ANGPTL2: variants seen among roughly 807,000 people sequenced by gnomAD.
ANGPTL2 encodes angiopoietin like 2.
Under a neutral mutation model 52.8 loss-of-function variants are expected in ANGPTL2, and 25 were observed. The ratio of observed to expected loss-of-function variants is 0.47; its 90% CI spans 0.35 to 0.66. ANGPTL2 has a LOEUF of 0.66. ANGPTL2 is among the 30% of genes least tolerant of loss of function. The pLI, the probability that ANGPTL2 is intolerant of heterozygous loss-of-function variation, is 0.01. For missense variants in ANGPTL2, 546 were observed against 656.9 expected (o/e 0.83, Z 1.84); for synonymous variants, 276 against 277.4 (o/e 1.00, Z 0.05).
At position 127,091,638 on chromosome 9, in the gene ANGPTL2, C is replaced by G. The variant is rs2789510; in HGVS notation, c.1282+32G>C. On this transcript the variant is annotated intron_variant, in intron 4 of 4. Transcript: ENST00000373425. This position sits in a 1 kb window ranked among gnomAD's most constrained non-coding sequence, Gnocchi z 4.3. ...GCTCTGGTTGACCTCTTTTCCCTACCCTGCACCTGGGTTTGACTCCACTTT... is the reference window on the plus strand; with the variant it reads ...GCTCTGGTTGACCTCTTTTCCCTACGCTGCACCTGGGTTTGACTCCACTTT... The G allele has an allele frequency of 0.027, 44,038 of 1,602,364 alleles. 719 individuals carry two copies. The highest frequency in any genetic ancestry group is 0.059 in the Middle Eastern group (290 of 4,876).
chr9:127,101,804 C>A (rs948658481), intron 2 of ANGPTL2, among the ~76,000 whole-genome samples: 1 of 152,152 alleles, frequency 6.6e-6, no homozygotes, highest in South Asian at 2.1e-4. Flanking sequence ...CATTTAGGAG[C>A]TGTTGCATTT....
chr9:127,104,800 T>C (rs2054059737), intron 2 of ANGPTL2, among the ~76,000 whole-genome samples: 1 of 152,230 alleles, frequency 6.6e-6, no homozygotes, highest in South Asian at 2.1e-4. Context: ...GTTTGGAAGC[T>C]GCCAAGGCTC....
intron 2 of ANGPTL2, among the ~76,000 whole-genome samples, chr9:127,097,855 C>G (rs2053306157): frequency 6.6e-6 from 1 of 152,198 alleles, no homozygotes; most frequent in African/African-American, 2.4e-5. Context: ...TCGATGGCCT[C>G]ACCTATGCAC....
intron 2 of ANGPTL2, among the ~76,000 whole-genome samples, chr9:127,100,025 A>G (rs2053563762): frequency 6.6e-6 from 1 of 152,246 alleles, no homozygotes; most frequent in African/African-American, 2.4e-5. Flanking sequence ...TTAAATTACT[A>G]CAAAGTGTGA....
chr9:127,112,081 C>T (rs549038841), intron 1 of ANGPTL2, among the ~76,000 whole-genome samples: 2 of 152,172 alleles, frequency 1.3e-5, no homozygotes, highest in Admixed American at 6.5e-5. Flanking sequence ...ACCCTGTGCT[C>T]CCTGGGGCCT....
chr9:127,106,829 G>C (rs1308971435), intron 2 of ANGPTL2: 1 of 152,162 alleles, frequency 6.6e-6, no homozygotes, highest in African/African-American at 2.4e-5. Context: ...CAGTACTGGT[G>C]GTTATTTTTA....
At chr9:127,116,691 G>C (rs1408202390) in intron 1 of ANGPTL2, among the ~76,000 whole-genome samples, 1 of 152,192 alleles carries the variant, frequency 6.6e-6, no homozygotes, top group East Asian at 1.9e-4. Flanking sequence ...TCTGGACCAG[G>C]CTGAGAAGTT....
chr9:127,098,204 A>G (rs1377297724), intron 2 of ANGPTL2, among the ~76,000 whole-genome samples: 1 of 152,268 alleles, frequency 6.6e-6, no homozygotes, highest in Non-Finnish European at 1.5e-5. Context: ...ATATATTGAC[A>G]TGAAGAATGG....
In ANGPTL2 at chr9:127,110,403, A is replaced by G. The variant is rs1353736600; in HGVS notation, c.-49-1623T>C. Reference sequence around the variant, plus strand: ...AGAGCCTGTGCTGGTTCATCCTCATATTCCTGTCCTTTCTCTACTGTTGAG... The same window carrying G: ...AGAGCCTGTGCTGGTTCATCCTCATGTTCCTGTCCTTTCTCTACTGTTGAG... On this transcript the variant is annotated intron_variant, in intron 1 of 4. Coordinates refer to ENST00000373425, the MANE Select transcript of ANGPTL2 (RefSeq NM_012098.3). Among the ~76,000 whole-genome samples, 4 of 151,878 alleles carry G rather than the reference A, an allele frequency of 2.6e-5. 1 individual carries two copies. The highest frequency in any genetic ancestry group is 3.9e-4 in the East Asian group (2 of 5,144).
rs2054511764 is a variant in ANGPTL2, at chr9:127,108,732, G to T, written c.-1C>A. 6.3e-6 allele frequency: 10 copies of T among 1,596,694 alleles called. 1 individual carries two copies. The highest frequency in any genetic ancestry group is 3.7e-4 in the Middle Eastern group (2 of 5,334). The stretch of plus-strand genomic sequence containing the variant: ...AGCATGTCACGCACAGTGGCCTCAT[G>T]GTCCTTGCAAAATGGTGGTTATTCT... On this transcript the variant is annotated 5_prime_UTR_variant, in exon 2 of 5. Transcript: ENST00000373425.
At chr9:127,094,385 TG>T (rs1436474402) in intron 2 of ANGPTL2, among the ~76,000 whole-genome samples, 1 of 150,282 alleles carries the variant, frequency 6.7e-6, no homozygotes, top group Non-Finnish European at 1.5e-5. Flanking sequence ...CTGATGGCTT[TG>T]CTTCTGCAAG....
At chr9:127,092,516 C>T (rs1020798704) in intron 3 of ANGPTL2, among the ~76,000 whole-genome samples, 2 of 151,986 alleles carry the variant, frequency 1.3e-5, no homozygotes, top group South Asian at 2.1e-4. Flanking sequence ...TCTTGGGAAT[C>T]GGTGATTCAT....
intron 1 of ANGPTL2, among the ~76,000 whole-genome samples, chr9:127,121,427 A>G (rs1162558372): frequency 6.6e-6 from 1 of 152,190 alleles, no homozygotes; most frequent in South Asian, 2.1e-4. Flanking sequence ...GGCATTCTCA[A>G]TTTTCCCCAG....
At chr9:127,110,566 A>C (rs985700579) in intron 1 of ANGPTL2, among the ~76,000 whole-genome samples, 2 of 152,262 alleles carry the variant, frequency 1.3e-5, no homozygotes, top group African/African-American at 4.8e-5. Flanking sequence ...ACTCATACAT[A>C]CAGCTGCTTT....
chr9:127,109,591 G>A (rs1318220337), intron 1 of ANGPTL2, among the ~76,000 whole-genome samples: 1 of 152,210 alleles, frequency 6.6e-6, no homozygotes, highest in Non-Finnish European at 1.5e-5. Flanking sequence ...TTAGAAGGGA[G>A]CAGAACACAG....
In ANGPTL2 at chr9:127,091,799, G is replaced by A. The variant is rs1370237479; in HGVS notation, c.1153C>T (p.Arg385Cys). The A allele has an allele frequency of 4.3e-6, 7 of 1,614,036 alleles. No individual in the cohort carries two copies. The highest frequency in any genetic ancestry group is 4.0e-5 in the African/African-American group (3 of 74,902). The stretch of plus-strand genomic sequence containing the variant: ...TAATACTCGCTCTCAGGTTCCAGGC[G>A]GAAACTGGCGTATTCTGCAAAGACT... ...RKVFAEYASFRLEPESEYYKL... is the reference protein window; with the variant it reads ...RKVFAEYASFCLEPESEYYKL... Residue 385 changes from arginine to cysteine, a missense_variant, in exon 4 of 5, where the codon CGC becomes TGC. Physicochemically the swap from Arg to Cys is radical, Grantham distance 180 (BLOSUM62 -3). Around this residue, in one of 2 missense-constraint regions of ANGPTL2, gnomAD observed 261 missense variants for 361.0 expected, o/e 0.72. Coordinates refer to ENST00000373425, the MANE Select transcript of ANGPTL2 (RefSeq NM_012098.3). The surrounding 1 kb of genome is among the most constrained non-coding windows in gnomAD (Gnocchi z 4.3).
chr9:127,092,945 G>C (rs950930419), intron 3 of ANGPTL2, among the ~76,000 whole-genome samples: 2 of 152,146 alleles, frequency 1.3e-5, no homozygotes, highest in African/African-American at 4.8e-5. Flanking sequence ...AGAGGCCTCA[G>C]CTGCAGTCAC....
In ANGPTL2 at chr9:127,091,797, G is replaced by T. The variant is rs1472468378; in HGVS notation, c.1155C>A (p.Arg385=). The part of the protein sequence containing the change: ...RKVFAEYASF[R]LEPESEYYKL... ...TATAATACTCGCTCTCAGGTTCCAGGCGGAAACTGGCGTATTCTGCAAAGA... is the reference window on the plus strand; with the variant it reads ...TATAATACTCGCTCTCAGGTTCCAGTCGGAAACTGGCGTATTCTGCAAAGA... Residue 385 remains arginine (R), a synonymous_variant, in exon 4 of 5, where the codon CGC becomes CGA. Coordinates refer to ENST00000373425, the MANE Select transcript of ANGPTL2 (RefSeq NM_012098.3). The surrounding 1 kb of genome is among the most constrained non-coding windows in gnomAD (Gnocchi z 4.3). 1.9e-6 allele frequency: 3 copies of T among 1,614,032 alleles called. No individual in the cohort carries two copies. The highest frequency in any genetic ancestry group is 2.5e-6 in the Non-Finnish European group (3 of 1,180,026).
chr9:127,107,969 G>C lies in ANGPTL2; in HGVS notation c.763C>G (p.Leu255Val). The change falls in exon 2 of 5, where the codon CTG (leucine) becomes GTG (valine). Residue 255 changes from leucine (L) to valine (V), a missense_variant. Coordinates refer to ENST00000373425, the MANE Select transcript of ANGPTL2 (RefSeq NM_012098.3). ...CTGGTGAGAGTGGGCATAGTGGGCAGAGGGGGTGGCAGCACCTTCAGGTTC... is the reference window on the plus strand; with the variant it reads ...CTGGTGAGAGTGGGCATAGTGGGCACAGGGGGTGGCAGCACCTTCAGGTTC... ...DQNLKVLPPP[L>V]PTMPTLTSLP... 1.3e-6 allele frequency: 2 copies of C among 1,571,578 alleles called. No homozygotes were observed. Among genetic ancestry groups the C allele is most frequent in the African/African-American group, 1.3e-5 (1 of 74,482 alleles).
Sources: allele counts gnomAD v4.1 joint callset (sites outside exome capture counted in the v4.1 genomes callset), GRCh38; gene constraint gnomAD v4.1.1; regional missense constraint gnomAD v4.1.1; non-coding constraint Gnocchi (gnomAD v3.1); transcripts MANE v1.5; gene names NCBI Gene and HGNC (gene_info 2026-07-23, HGNC 2026-07-21).